The following ZNF385D variants were observed in gnomAD, a reference collection of about 807,000 sequenced individuals.
ZNF385D encodes zinc finger protein 385D.
Under a neutral mutation model 35.8 loss-of-function variants are expected in ZNF385D, and 15 were observed. The observed-to-expected ratio is 0.42, with a 90% CI of 0.28 to 0.64. ZNF385D has a LOEUF of 0.64. Ranked by LOEUF, ZNF385D falls within the 30% of genes least tolerant of loss-of-function variation. ZNF385D has a pLI of 0.23. For synonymous variants in ZNF385D, 212 were observed against 186.8 expected (o/e 1.13, Z -1.10); for missense variants, 474 against 494.6 (o/e 0.96, Z 0.39).
chr3:21,432,791 A>T (rs200616099), intron 5 of ZNF385D, among the ~76,000 whole-genome samples: 2 of 132 alleles, frequency 0.015, no homozygotes, highest in Middle Eastern at 0.5. Flanking sequence ...TTTCCAAATT[A>T]AAAAAAAAAA....
intron 4 of ZNF385D, among the ~76,000 whole-genome samples, chr3:21,492,398 A>G (rs528758583): frequency 6.6e-6 from 1 of 151,588 alleles, no homozygotes; most frequent in Non-Finnish European, 1.5e-5. Context: ...ACAAACAAAA[A>G]CAAACAAACA....
At chr3:21,458,754 G>A (rs1480655805) in intron 4 of ZNF385D, among the ~76,000 whole-genome samples, 1 of 139,696 alleles carries the variant, frequency 7.2e-6, no homozygotes, top group Non-Finnish European at 1.5e-5. Context: ...GGCAAATTTG[G>A]AGAGACACAA....
At chr3:21,722,999 G>T (rs755520644) in intron 1 of ZNF385D, among the ~76,000 whole-genome samples, 10 of 152,136 alleles carry the variant, frequency 6.6e-5, no homozygotes, top group Non-Finnish European at 1.2e-4. Context: ...ACCCAGCCAT[G>T]TGCTTCCTTC....
intron 3 of ZNF385D, among the ~76,000 whole-genome samples, chr3:22,007,254 T>C (rs958482096): frequency 4.6e-5 from 7 of 152,230 alleles, no homozygotes; most frequent in African/African-American, 1.7e-4. Flanking sequence ...AATGCTCTAC[T>C]AAATCTTAAT....
At chr3:21,796,168 G>A (rs115514665) in intron 3 of ZNF385D, among the ~76,000 whole-genome samples, 3,217 of 152,120 alleles carry the variant, frequency 0.021, 100 homozygotes, top group African/African-American at 0.071. Context: ...AGCCAGAGTC[G>A]GAGCATATTA....
At chr3:21,725,998 A>G (rs985975890) in intron 1 of ZNF385D, among the ~76,000 whole-genome samples, 2 of 152,174 alleles carry the variant, frequency 1.3e-5, no homozygotes, top group Non-Finnish European at 2.9e-5. Context: ...TCGGCTTCAT[A>G]CCTGGGAGGC....
chr3:21,666,765 G>C (rs2066420330), intron 1 of ZNF385D, among the ~76,000 whole-genome samples: 1 of 152,094 alleles, frequency 6.6e-6, no homozygotes, highest in African/African-American at 2.4e-5. Flanking sequence ...TAAATTTTTG[G>C]ATGGTACATC....
intron 1 of ZNF385D, among the ~76,000 whole-genome samples, chr3:21,669,794 A>T (rs1314877552): frequency 6.6e-6 from 1 of 152,192 alleles, no homozygotes; most frequent in African/African-American, 2.4e-5. Flanking sequence ...AATCAAGATA[A>T]TTTTAAAGCT....
intron 3 of ZNF385D, among the ~76,000 whole-genome samples, chr3:21,786,407 G>A (rs967238003): frequency 1.2e-4 from 18 of 151,744 alleles, no homozygotes; most frequent in African/African-American, 3.4e-4. Context: ...TTTCTTCGTT[G>A]TTTGCTTTGG....
At chr3:21,839,625 T>C (rs1316450428) in intron 3 of ZNF385D, among the ~76,000 whole-genome samples, 2 of 152,134 alleles carry the variant, frequency 1.3e-5, no homozygotes, top group Non-Finnish European at 2.9e-5. Flanking sequence ...GATGTATTTC[T>C]TGCCCCACAC....
At chr3:22,123,751 C>T (rs150344561) in intron 3 of ZNF385D, among the ~76,000 whole-genome samples, 2,787 of 152,082 alleles carry the variant, frequency 0.018, 33 homozygotes, top group Non-Finnish European at 0.026. Flanking sequence ...ATCTCAGCTA[C>T]TCGGGAGGCC....
chr3:21,608,165 A>G (rs1275155322), intron 2 of ZNF385D, among the ~76,000 whole-genome samples: 1 of 151,714 alleles, frequency 6.6e-6, no homozygotes, highest in African/African-American at 2.4e-5. Flanking sequence ...AGGTGCCACC[A>G]CACTTGGCTA....
intron 2 of ZNF385D, among the ~76,000 whole-genome samples, chr3:22,295,533 G>C (rs1361497629): frequency 3.3e-5 from 5 of 152,092 alleles, no homozygotes; most frequent in Non-Finnish European, 7.4e-5. Flanking sequence ...TAATCAGAAA[G>C]TCACAATGGG....
intron 3 of ZNF385D, among the ~76,000 whole-genome samples, chr3:21,797,916 A>G (rs192590643): frequency 0.01 from 1,570 of 152,330 alleles, 14 homozygotes; most frequent in Non-Finnish European, 0.016. Context: ...ATATAATGCC[A>G]TAACCATGGA....
intron 3 of ZNF385D, among the ~76,000 whole-genome samples, chr3:22,145,149 ACTTT>A (rs1311536767): frequency 1.3e-5 from 2 of 152,104 alleles, no homozygotes; most frequent in Non-Finnish European, 2.9e-5. Flanking sequence ...ATTACTAGAG[ACTTT>A]CTTTGAGCTT....
intron 1 of ZNF385D, among the ~76,000 whole-genome samples, chr3:21,714,209 C>A (rs2068225341): frequency 9.2e-6 from 1 of 108,780 alleles, no homozygotes; most frequent in African/African-American, 4.4e-5. Context: ...GTAAGTGGGC[C>A]TTCCGGCAGA....
intron 1 of ZNF385D, among the ~76,000 whole-genome samples, chr3:21,701,685 C>T (rs1015585261): frequency 2.0e-5 from 3 of 152,118 alleles, no homozygotes; most frequent in East Asian, 1.9e-4. Context: ...AAATCAAAAG[C>T]AAGCTAGTTA....
rs78232755 is a variant in ZNF385D, at chr3:22,117,132, G to A, written c.325+51685C>T. Among the ~76,000 whole-genome samples, 726 of 152,054 alleles carry A rather than the reference G, an allele frequency of 4.8e-3. 5 individuals carry two copies. Among genetic ancestry groups the A allele is most frequent in the African/African-American group, 0.015 (626 of 41,496 alleles). ...TCCCACTGGTGAGGCTTTATGTCAT[G>A]GTATCTAAAACATACTTATGTTAAC... On this transcript the variant is annotated intron_variant, in intron 3 of 5. Coordinates refer to the ZNF385D transcript ENST00000494108.
chr3:21,764,567 A>G (rs911719861), intron 3 of ZNF385D, among the ~76,000 whole-genome samples: 20 of 152,298 alleles, frequency 1.3e-4, no homozygotes, highest in African/African-American at 4.6e-4. Flanking sequence ...AACGAAAAAG[A>G]TATTTTGCAT....
Sources: gnomAD v4.1 joint callset for allele counts (sites outside exome capture counted in the v4.1 genomes callset) on GRCh38, gnomAD v4.1.1 for gene constraint, MANE v1.5 for transcripts, NCBI Gene and HGNC (gene_info 2026-07-23, HGNC 2026-07-21) for gene names.